INO80: variants seen among roughly 807,000 people sequenced by gnomAD.
The protein encoded by INO80 is INO80 complex ATPase subunit, also known as chromatin-remodeling ATPase INO80.
INO80 carries 20 observed loss-of-function variants against 203.4 expected under a neutral mutation model. That is an observed-to-expected ratio of 0.10 (90% CI 0.07 to 0.14). INO80 has a LOEUF of 0.14. Among genes scored for constraint, INO80 ranks in the 10% least tolerant of loss-of-function variants. The pLI is 1.00. For synonymous variants in INO80, 726 were observed against 685.2 expected, an observed-to-expected ratio of 1.06 and a Z score of -0.93; for missense variants, 1,419 against 1,914.4, an observed-to-expected ratio of 0.74 and a Z score of 4.83.
intron 26 of INO80, chr15:41,017,011 A>G (rs1292473320): frequency 6.6e-6 from 1 of 151,516 alleles, no homozygotes; most frequent in African/African-American, 2.4e-5. Context: ...TAAACCCAAA[A>G]CTAGCTCTCT....
At position 41,043,535 on chromosome 15, in the gene INO80, C is replaced by T. The variant is rs185342966; in HGVS notation, c.2907+1369G>A. Among the ~76,000 whole-genome samples, 409 of 152,290 alleles carry T rather than the reference C, an allele frequency of 2.7e-3. 3 individuals carry two copies. The highest frequency in any genetic ancestry group is 0.013 in the South Asian group (62 of 4,822). On this transcript the variant is annotated intron_variant, in intron 24 of 35. Transcript: ENST00000648947. ...ATGCTTAAGAAACCAACTGGGAAAA[C>T]AGAAGAGAAGGAAATCATGTGAGCT...
intron 14 of INO80, among the ~76,000 whole-genome samples, chr15:41,064,620 C>T (rs2045176207): frequency 6.6e-6 from 1 of 152,144 alleles, no homozygotes; most frequent in African/African-American, 2.4e-5. Context: ...AAGTCATGCT[C>T]AGAAAGCAAT....
chr15:41,091,873 C>T (rs2045649699), intron 5 of INO80, among the ~76,000 whole-genome samples, 154 bp downstream of exon 5: 1 of 151,680 alleles, frequency 6.6e-6, no homozygotes, highest in Admixed American at 6.6e-5. Flanking sequence ...GGGATGGTTT[C>T]AATTTCTTGA....
chr15:41,023,392 T>C (rs1288213502), intron 25 of INO80: 2 of 303,152 alleles, frequency 6.6e-6, no homozygotes, highest in Non-Finnish European at 1.3e-5. Context: ...GTTTAAAAAG[T>C]AAGTCTAGAC....
chr15:41,065,684 G>A (rs1381114249), intron 14 of INO80, among the ~76,000 whole-genome samples: 1 of 152,092 alleles, frequency 6.6e-6, no homozygotes, highest in African/African-American at 2.4e-5. Context: ...TATACACAAT[G>A]GAATATTACT....
At chr15:41,107,720 A>T (rs2045900659) in intron 1 of INO80, among the ~76,000 whole-genome samples, 1 of 152,132 alleles carries the variant, frequency 6.6e-6, no homozygotes, top group Non-Finnish European at 1.5e-5. Flanking sequence ...GAATTGCTTG[A>T]GCCTGGGAAA....
rs764389222 is a variant in INO80 at position 41,056,605 on chromosome 15, C to T, written c.2070+17G>A. 1.9e-6 allele frequency: 3 copies of T among 1,586,804 alleles called. No homozygotes were observed. Among genetic ancestry groups the T allele is most frequent in the South Asian group, 2.2e-5 (2 of 90,422 alleles). On this transcript the variant is annotated intron_variant, in intron 17 of 35. Coordinates refer to ENST00000648947, the MANE Select transcript of INO80 (RefSeq NM_017553.3). ...GTTTTATGAAGATATAAACCTGTGA[C>T]CTGGACTAGTGCCTACCTCTGCCAT...
At chr15:41,027,281 C>A (rs2044389627) in intron 25 of INO80, among the ~76,000 whole-genome samples, 1 of 152,120 alleles carries the variant, frequency 6.6e-6, no homozygotes, top group Non-Finnish European at 1.5e-5. Flanking sequence ...GGTTCCCTCG[C>A]CCCGACCCTG....
intron 21 of INO80, among the ~76,000 whole-genome samples, chr15:41,048,608 C>A (rs530584761): frequency 1.3e-5 from 2 of 152,124 alleles, no homozygotes; most frequent in African/African-American, 4.8e-5. Flanking sequence ...TAAATATTAA[C>A]CTGGAGCTAC....
At position 41,072,088 on chromosome 15, in the gene INO80, A is replaced by C. The variant is rs755085445; in HGVS notation, c.1396-30T>G. ...AAAGTAAAAAAAAAAAAAATTAGAA[A>C]AAAAAAAAAGAGGAAAAATATTACA... On this transcript the variant is annotated intron_variant, in intron 11 of 35. Transcript: ENST00000648947. 1.9e-5 allele frequency: 26 copies of C among 1,398,062 alleles called. No individual in the cohort carries two copies. In the East Asian group the frequency reaches 5.9e-4, roughly 32 times the overall value. The allele number at this position is 1,398,062 out of a possible 1,614,324, so 86.6% of individuals were successfully genotyped here.
rs375547816 is a variant in INO80 at position 41,074,381 on chromosome 15, T to C, written c.1316A>G (p.Gln439Arg). The C allele has an allele frequency of 3.7e-6, 6 of 1,611,024 alleles. No homozygotes were observed. The highest frequency in any genetic ancestry group is 5.1e-6 in the Non-Finnish European group (6 of 1,178,620). ...GACTGAGGACTCACCATAATCCTCC[T>C]GTGTGATGTTAACTACCACTCCTCC... ...IGGGVVVNIT[Q>R]EDYDSNHFKA... is the part of the protein sequence containing the mutation. Residue 439 changes from glutamine to arginine, a missense_variant, in exon 10 of 36, where the codon CAG becomes CGG. By Grantham distance (43) the Gln-to-Arg change is conservative. Around this residue, in one of 9 missense-constraint regions of INO80, gnomAD observed 116 missense variants for 119.5 expected, o/e 0.97. Coordinates refer to ENST00000648947, the MANE Select transcript of INO80 (RefSeq NM_017553.3).
intron 6 of INO80, 134 bp from the exon 7 acceptor site, chr15:41,085,717 G>T: frequency 1.5e-6 from 1 of 648,674 alleles, no homozygotes; most frequent in Non-Finnish European, 2.7e-6. Flanking sequence ...TATCTACTCA[G>T]ACCCATGAAT....
chr15:41,112,902 A>C (rs985800969), intron 1 of INO80, among the ~76,000 whole-genome samples: 4 of 148,562 alleles, frequency 2.7e-5, no homozygotes, highest in African/African-American at 9.9e-5. Context: ...CCTAGCGTTT[A>C]TATTTCATGT....
chr15:41,067,218 A>G (rs1402992352), intron 14 of INO80, among the ~76,000 whole-genome samples: 1 of 151,868 alleles, frequency 6.6e-6, no homozygotes. Flanking sequence ...CTGGGATTAC[A>G]GGCGCCCGCC....
intron 27 of INO80, among the ~76,000 whole-genome samples, chr15:41,012,721 A>G (rs1424960764): frequency 6.6e-6 from 1 of 152,112 alleles, no homozygotes; most frequent in Non-Finnish European, 1.5e-5. Flanking sequence ...TCTCCTCTTC[A>G]CTATTTTTGT....
At position 41,064,694 on chromosome 15, in the gene INO80, C is replaced by T. The variant is rs183585234; in HGVS notation, c.1783-4768G>A. Among the ~76,000 whole-genome samples, 410 of 152,240 alleles carry T rather than the reference C, an allele frequency of 2.7e-3. 3 individuals are homozygous for T. Among genetic ancestry groups the T allele is most frequent in the South Asian group, 0.013 (62 of 4,824 alleles). On this transcript the variant is annotated intron_variant, in intron 14 of 35. Coordinates refer to ENST00000648947, the MANE Select transcript of INO80 (RefSeq NM_017553.3). Reference sequence around the variant, plus strand: ...CAATACTCTAAGCTCCATCTCAAGACATCAGATAAAGAAAAAAGCTGGCTG... The same window carrying T: ...CAATACTCTAAGCTCCATCTCAAGATATCAGATAAAGAAAAAAGCTGGCTG...
rs998426487 is a variant in INO80, at chr15:41,008,321, T to C, written c.3403-2634A>G. Among the ~76,000 whole-genome samples, 24 of 152,086 alleles carry C rather than the reference T, an allele frequency of 1.6e-4. 1 individual carries two copies. The highest frequency in any genetic ancestry group is 1.4e-3 in the Admixed American group (22 of 15,276). On this transcript the variant is annotated intron_variant, in intron 27 of 35. Transcript: ENST00000648947. ...AAACCTGATTCTGTTAAGTAAAATA[T>C]GCCAGACATGGAAAGACAAATACTG...
intron 19 of INO80, among the ~76,000 whole-genome samples, chr15:41,050,639 C>T (rs2044853269): frequency 6.6e-6 from 1 of 152,098 alleles, no homozygotes; most frequent in Non-Finnish European, 1.5e-5. Flanking sequence ...CTTTTCTAAC[C>T]ATACCCATTG....
At chr15:41,089,257 A>AC (rs1235558042) in intron 5 of INO80, among the ~76,000 whole-genome samples, 1 of 152,202 alleles carries the variant, frequency 6.6e-6, no homozygotes, top group Non-Finnish European at 1.5e-5. Context: ...CAAGTACCTT[A>AC]CTGCTGGAGT....
Sources: gnomAD v4.1 joint callset for allele counts (sites outside exome capture counted in the v4.1 genomes callset) on GRCh38, gnomAD v4.1.1 for gene constraint, gnomAD v4.1.1 regional missense constraint, MANE v1.5 for transcripts, NCBI Gene and HGNC (gene_info 2026-07-23, HGNC 2026-07-21) for gene names.